FHOD3: variants seen among roughly 807,000 people sequenced by gnomAD.
The protein encoded by FHOD3 is formin homology 2 domain containing 3.
In FHOD3, 90 loss-of-function variants were observed where a neutral mutation model predicts 173.0. The ratio of observed to expected loss-of-function variants is 0.52; its 90% confidence interval spans 0.44 to 0.62. The LOEUF (loss-of-function observed/expected upper bound fraction) is 0.62, where lower values mean the gene tolerates loss of function less well. Among genes scored for constraint, FHOD3 ranks in the 20% least tolerant of loss-of-function variants. The probability of loss-of-function intolerance (pLI) is 0.00; values close to 1 mark genes in which losing one functional copy is unlikely to be tolerated. For missense variants in FHOD3, 1,945 were observed against 2,034.7 expected (o/e 0.96, Z 0.85); for synonymous variants, 828 against 823.0 (o/e 1.01, Z -0.10).
intron 23 of FHOD3, 53 bp downstream of exon 23, chr18:36,744,246 C>A: frequency 6.4e-7 from 1 of 1,562,532 alleles, no homozygotes; most frequent in East Asian, 2.3e-5. Flanking sequence ...GCCACGGGAT[C>A]TTTATCGGTC....
At chr18:36,350,157 A>G (rs1037486131) in intron 1 of FHOD3, among the ~76,000 whole-genome samples, 21 of 152,198 alleles carry the variant, frequency 1.4e-4, no homozygotes, top group African/African-American at 5.1e-4. Context: ...TGTCTCTACA[A>G]GGAGTGGAAG....
intron 10 of FHOD3, among the ~76,000 whole-genome samples, chr18:36,637,118 C>T (rs1033323705): frequency 5.3e-5 from 8 of 152,094 alleles, no homozygotes; most frequent in Non-Finnish European, 7.4e-5. Flanking sequence ...AGAGAAGCCC[C>T]CAATACTAGG....
intron 6 of FHOD3, among the ~76,000 whole-genome samples, chr18:36,579,052 A>G (rs528410378): frequency 2.0e-5 from 3 of 152,202 alleles, no homozygotes; most frequent in Non-Finnish European, 4.4e-5. Flanking sequence ...TGGGCTTTCT[A>G]GGTTGCATCA....
chr18:36,604,047 A>G (rs899656962), intron 8 of FHOD3, among the ~76,000 whole-genome samples: 3 of 152,126 alleles, frequency 2.0e-5, no homozygotes, highest in African/African-American at 4.8e-5. Flanking sequence ...CTTGTAGGGC[A>G]GTCTTGGTCC....
At chr18:36,343,495 G>A (rs1278197033) in intron 1 of FHOD3, among the ~76,000 whole-genome samples, 1 of 152,128 alleles carries the variant, frequency 6.6e-6, no homozygotes, top group African/African-American at 2.4e-5. Flanking sequence ...CATAATGGGA[G>A]GTGTTTGGGT....
At chr18:36,443,233 T>C (rs958983174) in intron 3 of FHOD3, among the ~76,000 whole-genome samples, 3 of 152,216 alleles carry the variant, frequency 2.0e-5, no homozygotes, top group Non-Finnish European at 4.4e-5. Context: ...CAACCCTTAA[T>C]AATTCTTGCC....
At chr18:36,338,653 G>A (rs751211646) in intron 1 of FHOD3, among the ~76,000 whole-genome samples, 6 of 152,120 alleles carry the variant, frequency 3.9e-5, no homozygotes, top group Non-Finnish European at 7.3e-5. Flanking sequence ...GGAATGACTC[G>A]TGAGTTCTGG....
chr18:36,434,761 G>A (rs1226922772), intron 3 of FHOD3, among the ~76,000 whole-genome samples: 2 of 151,830 alleles, frequency 1.3e-5, no homozygotes, highest in Non-Finnish European at 2.9e-5. Context: ...TCAGGGTACA[G>A]GTCTTGCAAA....
chr18:36,326,859 G>A (rs1026666820), intron 1 of FHOD3, among the ~76,000 whole-genome samples: 1 of 152,176 alleles, frequency 6.6e-6, no homozygotes, highest in Non-Finnish European at 1.5e-5. Context: ...GAACGTCGTT[G>A]GCTTAGGAAA....
chr18:36,330,430 C>T (rs2044928580), intron 1 of FHOD3, among the ~76,000 whole-genome samples: 1 of 152,222 alleles, frequency 6.6e-6, no homozygotes, highest in South Asian at 2.1e-4. Flanking sequence ...CCAGCTCAGC[C>T]ATAATGCTCA....
At chr18:36,697,418 A>G (rs1600288417) in intron 17 of FHOD3, among the ~76,000 whole-genome samples, 1 of 152,222 alleles carries the variant, frequency 6.6e-6, no homozygotes, top group African/African-American at 2.4e-5. Context: ...TCACCCACTA[A>G]CCTAGCCATG....
chr18:36,332,200 G>A (rs1022137108), intron 1 of FHOD3, among the ~76,000 whole-genome samples: 1 of 152,230 alleles, frequency 6.6e-6, no homozygotes, highest in Non-Finnish European at 1.5e-5. Context: ...TTGGAGCTGA[G>A]AGGCAATACC....
intron 2 of FHOD3, among the ~76,000 whole-genome samples, chr18:36,364,811 G>A (rs1172452574): frequency 6.6e-6 from 1 of 152,310 alleles, no homozygotes; most frequent in Non-Finnish European, 1.5e-5. Flanking sequence ...GGGCGGTTGA[G>A]GACACTGTGC....
intron 6 of FHOD3, among the ~76,000 whole-genome samples, chr18:36,577,249 A>G (rs2058687855): frequency 6.6e-6 from 1 of 152,248 alleles, no homozygotes; most frequent in Non-Finnish European, 1.5e-5. Context: ...AACATCAATT[A>G]TAAAAGTAAT....
intron 3 of FHOD3, among the ~76,000 whole-genome samples, chr18:36,392,971 C>T (rs1179900874): frequency 6.6e-6 from 1 of 152,206 alleles, no homozygotes; most frequent in Non-Finnish European, 1.5e-5. Flanking sequence ...GAGTGAAGTC[C>T]TTTGCCAACT....
At chr18:36,686,246 A>G (rs1469992351) in intron 15 of FHOD3, among the ~76,000 whole-genome samples, 1 of 152,118 alleles carries the variant, frequency 6.6e-6, no homozygotes, top group Non-Finnish European at 1.5e-5. Context: ...AATATGGTAC[A>G]TATACACCAT....
chr18:36,726,916 G>T (rs2041105036), intron 19 of FHOD3, among the ~76,000 whole-genome samples: 1 of 152,198 alleles, frequency 6.6e-6, no homozygotes, highest in Non-Finnish European at 1.5e-5. Context: ...CTCGTGATCT[G>T]CCCACCTCGG....
intron 3 of FHOD3, among the ~76,000 whole-genome samples, chr18:36,374,146 C>T (rs1020521162): frequency 6.6e-6 from 1 of 152,206 alleles, no homozygotes; most frequent in African/African-American, 2.4e-5. Flanking sequence ...TAAGGAAACT[C>T]ACTCCTTTGC....
intron 3 of FHOD3, among the ~76,000 whole-genome samples, chr18:36,434,020 G>C (rs1276426797): frequency 6.6e-6 from 1 of 152,140 alleles, no homozygotes; most frequent in Non-Finnish European, 1.5e-5. Flanking sequence ...CTCCCCACCT[G>C]TAGCTTCCAA....
Sources: gnomAD v4.1 joint callset for allele counts (sites outside exome capture counted in the v4.1 genomes callset) on GRCh38, gnomAD v4.1.1 for gene constraint, MANE v1.5 for transcripts, NCBI Gene and HGNC (gene_info 2026-07-23, HGNC 2026-07-21) for gene names.